Variants in FSTL5 observed in about 807,000 individuals in gnomAD.
FSTL5 encodes the protein follistatin-related protein 5.
A neutral mutation model predicts 89.1 loss-of-function variants in FSTL5; 62 were observed. The observed-to-expected ratio is 0.70, with a 90% CI of 0.57 to 0.86. The LOEUF (loss-of-function observed/expected upper bound fraction) is 0.86. FSTL5 is among the 40% of genes least tolerant of loss of function. FSTL5 has a pLI of 0.00. For synonymous variants in FSTL5, 383 were observed against 346.2 expected (o/e 1.11, Z -1.18); for missense variants, 1,057 against 1,001.6 (o/e 1.06, Z -0.75).
chr4:161,721,369 T>C (rs1739210294), intron 6 of FSTL5, among the ~76,000 whole-genome samples: 1 of 151,722 alleles, frequency 6.6e-6, no homozygotes, highest in African/African-American at 2.4e-5. Context: ...TTAAAAATGC[T>C]TAAATAAATA....
chr4:162,090,003 T>C (rs1730479884), intron 2 of FSTL5, among the ~76,000 whole-genome samples: 1 of 152,108 alleles, frequency 6.6e-6, no homozygotes, highest in Non-Finnish European at 1.5e-5. Flanking sequence ...AAAGACTCTC[T>C]ATTCAGTCAA....
chr4:161,391,867 G>C (rs909226500), intron 15 of FSTL5, among the ~76,000 whole-genome samples: 39 of 152,130 alleles, frequency 2.6e-4, no homozygotes, highest in Admixed American at 1.3e-3. Context: ...CCAAAGCATA[G>C]GTTAAAGAAG....
At chr4:161,848,057 A>G (rs953417244) in intron 4 of FSTL5, among the ~76,000 whole-genome samples, 1 of 151,036 alleles carries the variant, frequency 6.6e-6, no homozygotes, top group African/African-American at 2.4e-5. Flanking sequence ...AAAAAAAAAA[A>G]AAAAACAAGA....
chr4:161,919,979 T>C (rs985834205), intron 4 of FSTL5, among the ~76,000 whole-genome samples: 1 of 152,208 alleles, frequency 6.6e-6, no homozygotes, highest in Non-Finnish European at 1.5e-5. Context: ...TTGAATTATG[T>C]GGTGCAAACT....
chr4:161,428,855 T>C (rs772483782), intron 15 of FSTL5, among the ~76,000 whole-genome samples: 6 of 151,922 alleles, frequency 3.9e-5, no homozygotes, highest in Non-Finnish European at 7.4e-5. Context: ...GAGGAAAAAG[T>C]AAAGGGGACT....
intron 3 of FSTL5, among the ~76,000 whole-genome samples, chr4:161,926,399 T>A (rs1421252305): frequency 1.0e-4 from 3 of 30,042 alleles, no homozygotes; most frequent in African/African-American, 3.4e-4. Flanking sequence ...AGAAGGTTTT[T>A]TTTTTTTGTT....
chr4:161,696,365 T>C (rs978153107), intron 6 of FSTL5, among the ~76,000 whole-genome samples: 2 of 152,208 alleles, frequency 1.3e-5, no homozygotes, highest in Admixed American at 6.5e-5. Flanking sequence ...ACTATGGCCT[T>C]ATAGTATAGT....
At chr4:161,636,402 T>A (rs1207207719) in intron 7 of FSTL5, among the ~76,000 whole-genome samples, 1 of 151,730 alleles carries the variant, frequency 6.6e-6, no homozygotes, top group African/African-American at 2.4e-5. Flanking sequence ...CTCTTGCCCC[T>A]TCAATCATGT....
intron 3 of FSTL5, among the ~76,000 whole-genome samples, chr4:162,008,458 A>G (rs1360860165): frequency 6.6e-6 from 1 of 151,870 alleles, no homozygotes; most frequent in Non-Finnish European, 1.5e-5. Flanking sequence ...AATAAAGGAT[A>G]TTTATTTGAT....
intron 15 of FSTL5, among the ~76,000 whole-genome samples, chr4:161,438,416 G>A (rs1200873030): frequency 6.6e-6 from 1 of 151,874 alleles, no homozygotes; most frequent in Non-Finnish European, 1.5e-5. Context: ...TGTACTAGAT[G>A]CACTCATAGT....
intron 8 of FSTL5, among the ~76,000 whole-genome samples, chr4:161,570,702 C>T (rs373761301): frequency 1.9e-4 from 29 of 152,276 alleles, no homozygotes; most frequent in African/African-American, 7.0e-4. Context: ...GTAAGAAAGA[C>T]AAAGAACACT....
intron 15 of FSTL5, among the ~76,000 whole-genome samples, chr4:161,443,347 TA>T (rs1396309023): frequency 6.6e-6 from 1 of 152,044 alleles, no homozygotes; most frequent in African/African-American, 2.4e-5. Flanking sequence ...CTTAGCATAC[TA>T]AATTTTTTTA....
chr4:161,422,565 GA>G (rs1268517349), intron 15 of FSTL5, among the ~76,000 whole-genome samples: 2 of 152,146 alleles, frequency 1.3e-5, no homozygotes, highest in Admixed American at 1.3e-4. Flanking sequence ...TAAAAGCATG[GA>G]AGTGCTAGCA....
intron 3 of FSTL5, among the ~76,000 whole-genome samples, chr4:162,025,054 T>C (rs1479566773): frequency 1.3e-5 from 2 of 152,126 alleles, no homozygotes; most frequent in African/African-American, 4.8e-5. Flanking sequence ...TATATATTTA[T>C]GGTCAAAGTA....
intron 3 of FSTL5, among the ~76,000 whole-genome samples, chr4:162,025,876 AT>A (rs1737261036): frequency 6.6e-6 from 1 of 152,072 alleles, no homozygotes; most frequent in African/African-American, 2.4e-5. Context: ...ACTTTTTTAT[AT>A]GAAATTTTTA....
At chr4:161,786,645 T>G (rs1741913945) in intron 4 of FSTL5, among the ~76,000 whole-genome samples, 1 of 152,148 alleles carries the variant, frequency 6.6e-6, no homozygotes, top group African/African-American at 2.4e-5. Context: ...TGTTTTCAAG[T>G]AAGACTTGGT....
chr4:161,901,619 G>A (rs1030092362), intron 4 of FSTL5, among the ~76,000 whole-genome samples: 4 of 152,112 alleles, frequency 2.6e-5, no homozygotes, highest in African/African-American at 7.2e-5. Flanking sequence ...ATGTTTGTGT[G>A]GTTAGAAAAA....
chr4:161,788,161 T>C (rs1298413166), intron 4 of FSTL5, among the ~76,000 whole-genome samples: 1 of 152,174 alleles, frequency 6.6e-6, no homozygotes, highest in East Asian at 1.9e-4. Flanking sequence ...TTGTACATCT[T>C]TATGGGTATG....
intron 4 of FSTL5, among the ~76,000 whole-genome samples, chr4:161,876,903 G>C (rs576814897): frequency 2.6e-4 from 40 of 151,946 alleles, no homozygotes; most frequent in Non-Finnish European, 3.2e-4. Flanking sequence ...TACTATGATA[G>C]GCCGGGCGCT....
Sources: gnomAD v4.1 joint callset for allele counts (sites outside exome capture counted in the v4.1 genomes callset) on GRCh38, gnomAD v4.1.1 for gene constraint, MANE v1.5 for transcripts, NCBI Gene and HGNC (gene_info 2026-07-23, HGNC 2026-07-21) for gene names.